The following CTNND2 variants were observed in gnomAD, a reference collection of about 807,000 sequenced individuals.
The protein encoded by CTNND2 is catenin delta-2.
CTNND2 carries 22 observed loss-of-function variants against 144.4 expected under a neutral mutation model. The observed-to-expected ratio is 0.15, with a 90% CI of 0.11 to 0.22. CTNND2 has a LOEUF of 0.22. Among genes scored for constraint, CTNND2 ranks in the 10% least tolerant of loss-of-function variants. The probability of loss-of-function intolerance (pLI) is 1.00; values close to 1 mark genes in which losing one functional copy is unlikely to be tolerated. For missense variants in CTNND2, 1,353 were observed against 1,618.8 expected, an observed-to-expected ratio of 0.84 and a Z score of 2.82; for synonymous variants, 751 against 695.6, an observed-to-expected ratio of 1.08 and a Z score of -1.25.
chr5:11,356,936 A>T (rs923547541), intron 8 of CTNND2, among the ~76,000 whole-genome samples: 5 of 152,224 alleles, frequency 3.3e-5, no homozygotes, highest in African/African-American at 1.2e-4. Flanking sequence ...AAAATGCTAA[A>T]CATAACTAAT....
intron 2 of CTNND2, among the ~76,000 whole-genome samples, chr5:11,653,314 G>A (rs941632545): frequency 4.6e-5 from 7 of 151,898 alleles, no homozygotes; most frequent in African/African-American, 1.5e-4. Context: ...TTCGTTTTTT[G>A]AGAAAATGCC....
chr5:11,207,355 T>C (rs1738155200), intron 10 of CTNND2, among the ~76,000 whole-genome samples: 1 of 150,818 alleles, frequency 6.6e-6, no homozygotes, highest in Admixed American at 6.6e-5. Flanking sequence ...ATGCAAGTTC[T>C]GCACACGTAT....
rs555306739 is a variant in CTNND2, at chr5:11,402,019, G to C, written c.440-4816C>G. Among the ~76,000 whole-genome samples, 13 of 152,152 alleles carry C rather than the reference G, an allele frequency of 8.5e-5. No individual in the cohort carries two copies. The South Asian group carries it at 2.3e-3, about 27-fold the overall frequency. ...TTTTGGTCTTGAAAACCTTATTGTA[G>C]GACTCTCCCACACATTATTCATGCT... On this transcript the variant is annotated intron_variant, in intron 5 of 21. Transcript: ENST00000304623.
chr5:11,705,786 G>A (rs1785663621), intron 2 of CTNND2, among the ~76,000 whole-genome samples: 1 of 152,078 alleles, frequency 6.6e-6, no homozygotes, highest in African/African-American at 2.4e-5. Context: ...CTTTTATGCA[G>A]TCCTCCACAT....
chr5:11,537,126 C>A (rs1774280513), intron 3 of CTNND2, among the ~76,000 whole-genome samples: 1 of 151,700 alleles, frequency 6.6e-6, no homozygotes, highest in African/African-American at 2.4e-5. Context: ...TTTTACAAAC[C>A]ACTGGGATAC....
At chr5:11,848,546 T>C (rs1157406411) in intron 1 of CTNND2, among the ~76,000 whole-genome samples, 1 of 152,026 alleles carries the variant, frequency 6.6e-6, no homozygotes, top group Non-Finnish European at 1.5e-5. Context: ...ATGACTAAAT[T>C]TTCCCCCTAC....
intron 1 of CTNND2, among the ~76,000 whole-genome samples, chr5:11,789,929 T>C (rs972013122): frequency 3.3e-5 from 5 of 152,244 alleles, no homozygotes; most frequent in African/African-American, 1.2e-4. Flanking sequence ...TATTACACGT[T>C]ATCAAATGTA....
chr5:11,770,815 A>T (rs887394481), intron 1 of CTNND2, among the ~76,000 whole-genome samples: 5 of 152,134 alleles, frequency 3.3e-5, no homozygotes, highest in Non-Finnish European at 7.4e-5. Context: ...TATGTGTGTG[A>T]GAGAGAGACA....
At chr5:11,027,948 G>C (rs1052561729) in intron 16 of CTNND2, among the ~76,000 whole-genome samples, 7 of 152,154 alleles carry the variant, frequency 4.6e-5, no homozygotes, top group African/African-American at 1.4e-4. Flanking sequence ...TTCTATTTCT[G>C]AACTAAGCCT....
chr5:11,668,226 A>G (rs969828272), intron 2 of CTNND2, among the ~76,000 whole-genome samples: 1 of 152,202 alleles, frequency 6.6e-6, no homozygotes, highest in African/African-American at 2.4e-5. Context: ...CTTTTTGCTT[A>G]GGATTGTCTT....
At chr5:11,407,435 G>C (rs905089887) in intron 5 of CTNND2, among the ~76,000 whole-genome samples, 1 of 152,196 alleles carries the variant, frequency 6.6e-6, no homozygotes, top group African/African-American at 2.4e-5. Flanking sequence ...ACTGGTAACT[G>C]TATGACCCAA....
chr5:11,848,969 T>C (rs1419302524), intron 1 of CTNND2, among the ~76,000 whole-genome samples: 2 of 151,944 alleles, frequency 1.3e-5, no homozygotes, highest in African/African-American at 2.4e-5. Flanking sequence ...ACACTACTTA[T>C]AAAAAGCCTG....
chr5:11,587,343 CT>C (rs1337529756), intron 2 of CTNND2, among the ~76,000 whole-genome samples: 1 of 151,950 alleles, frequency 6.6e-6, no homozygotes, highest in Non-Finnish European at 1.5e-5. Context: ...TAAACATAAA[CT>C]TTTACTTTTA....
intron 1 of CTNND2, among the ~76,000 whole-genome samples, chr5:11,854,643 C>A (rs1199357527): frequency 6.6e-6 from 1 of 152,162 alleles, no homozygotes; most frequent in Non-Finnish European, 1.5e-5. Flanking sequence ...CCAATATGTG[C>A]AAAATCCTTC....
intron 2 of CTNND2, among the ~76,000 whole-genome samples, chr5:11,588,506 T>G (rs1443062225): frequency 6.6e-6 from 1 of 152,196 alleles, no homozygotes; most frequent in African/African-American, 2.4e-5. Flanking sequence ...GACCCATGAA[T>G]TCTTACAACC....
chr5:11,333,353 T>C (rs1487506792), intron 9 of CTNND2, among the ~76,000 whole-genome samples: 1 of 152,178 alleles, frequency 6.6e-6, no homozygotes, highest in Non-Finnish European at 1.5e-5. Flanking sequence ...TGCCTCGACT[T>C]CCTGGGCTCA....
rs1020832265 is a variant in CTNND2 at position 11,621,517 on chromosome 5, C to T, written c.175-56461G>A. ...TTTGTATTTTTGGTTGAGAAAAAAT[C>T]GTGTAAATGGCATGCATTTGTAGCT... On this transcript the variant is annotated intron_variant, in intron 2 of 21. Transcript: ENST00000304623. Among the ~76,000 whole-genome samples, 4 of 151,906 alleles carry T rather than the reference C, an allele frequency of 2.6e-5. No homozygotes were observed. The South Asian group carries it at 8.3e-4, about 31-fold the overall frequency.
chr5:11,640,119 CAT>C (rs1781920841), intron 2 of CTNND2, among the ~76,000 whole-genome samples: 1 of 152,186 alleles, frequency 6.6e-6, no homozygotes, highest in African/African-American at 2.4e-5. Context: ...ATTAAAAAGA[CAT>C]ATGCTTTCAT....
intron 11 of CTNND2, among the ~76,000 whole-genome samples, chr5:11,170,770 T>A (rs35922094): frequency 3.9e-5 from 6 of 152,216 alleles, no homozygotes; most frequent in Non-Finnish European, 4.4e-5. Flanking sequence ...CATACTGCTA[T>A]GAAGAAATAC....
Sources: allele counts gnomAD v4.1 joint callset (sites outside exome capture counted in the v4.1 genomes callset), GRCh38; gene constraint gnomAD v4.1.1; transcripts MANE v1.5; gene names NCBI Gene and HGNC (gene_info 2026-07-23, HGNC 2026-07-21).